The following TSPAN9 variants were observed in gnomAD, a reference collection of about 807,000 sequenced individuals.
The protein encoded by TSPAN9 is tetraspanin-9.
Under a neutral mutation model 31.0 loss-of-function variants are expected in TSPAN9, and 16 were observed. That is an observed-to-expected ratio of 0.52 (90% CI 0.35 to 0.78). TSPAN9 has a LOEUF of 0.78. Ranked by LOEUF, TSPAN9 falls within the 30% of genes least tolerant of loss-of-function variation. The pLI is 0.01. For missense variants in TSPAN9, 272 were observed against 312.5 expected (o/e 0.87, Z 0.98); for synonymous variants, 145 against 121.6 (o/e 1.19, Z -1.27).
rs1862906851 is a variant in TSPAN9 at position 3,282,107 on chromosome 12, T to C, written c.648+290T>C. On this transcript the variant is annotated intron_variant, in intron 8 of 8. Transcript: ENST00000011898. Reference sequence around the variant, plus strand: ...GGGTTCCCCCAGTTCTGCCCAAACCTTGAGCTCAGAGAGCCATGCAAGACA... The same window carrying C: ...GGGTTCCCCCAGTTCTGCCCAAACCCTGAGCTCAGAGAGCCATGCAAGACA... The C allele has an allele frequency of 4.7e-6, 3 of 635,532 alleles. No homozygotes were observed. In the African/African-American group the frequency reaches 5.4e-5, roughly 11 times the overall value. The allele number at this position is 635,532 out of a possible 1,614,324, so 39.4% of individuals were successfully genotyped here. A position where few individuals can be genotyped will look rare whatever the true frequency, so the allele number is the denominator to read the frequency against.
chr12:3,164,813 G>A (rs2098347431), intron 2 of TSPAN9, among the ~76,000 whole-genome samples: 2 of 152,220 alleles, frequency 1.3e-5, no homozygotes, highest in African/African-American at 4.8e-5. Flanking sequence ...ATTTCGGATG[G>A]CAAGGAGGTC....
intron 2 of TSPAN9, among the ~76,000 whole-genome samples, chr12:3,097,943 G>A (rs1266167172): frequency 6.6e-6 from 1 of 152,254 alleles, no homozygotes; most frequent in Admixed American, 6.5e-5. Flanking sequence ...CTCCTCCGTG[G>A]AAGTTCAGGA....
intron 3 of TSPAN9, among the ~76,000 whole-genome samples, chr12:3,218,005 TGTGTGGC>T (rs2098382239): frequency 6.6e-6 from 1 of 152,056 alleles, no homozygotes; most frequent in East Asian, 1.9e-4. Flanking sequence ...CATTGTGTGG[TGTGTGGC>T]GGGTGTGTTG....
chr12:3,213,640 GC>G (rs965890037), intron 3 of TSPAN9, among the ~76,000 whole-genome samples: 10 of 151,964 alleles, frequency 6.6e-5, no homozygotes, highest in Admixed American at 5.9e-4. Context: ...CCCCCTTCCA[GC>G]CCCCCTTCAC....
At chr12:3,268,179 C>CGTGTGTTCCTGCAGCCTGCCCTCT (rs1862574962) in intron 3 of TSPAN9, among the ~76,000 whole-genome samples, 1 of 122,290 alleles carries the variant, frequency 8.2e-6, no homozygotes, top group Non-Finnish European at 1.8e-5. Context: ...GCCTACCCTC[C>CGTGTGTTCCTGCAGCCTGCCCTCT]GTGCGTTCCT....
At chr12:3,239,545 G>C (rs1452786364) in intron 3 of TSPAN9, among the ~76,000 whole-genome samples, 1 of 152,242 alleles carries the variant, frequency 6.6e-6, no homozygotes, top group Non-Finnish European at 1.5e-5. Flanking sequence ...CACTGCCCGA[G>C]TTGGATCCCA....
At chr12:3,109,301 A>AGTGTGTGTGTGTGT (rs1565578971) in intron 2 of TSPAN9, among the ~76,000 whole-genome samples, 1 of 41,950 alleles carries the variant, frequency 2.4e-5, no homozygotes, top group Non-Finnish European at 4.6e-5. Context: ...TGTGTGTGTG[A>AGTGTGTGTGTGTGT]GAGAGAGTGT....
intron 2 of TSPAN9, among the ~76,000 whole-genome samples, chr12:3,109,299 T>TGTGAGAGAGAGAGA (rs1274383200): frequency 0.12 from 13,729 of 117,592 alleles, 909 homozygotes; most frequent in Non-Finnish European, 0.15. Context: ...TGTGTGTGTG[T>TGTGAGAGAGAGAGA]GAGAGAGAGT....
intron 2 of TSPAN9, among the ~76,000 whole-genome samples, chr12:3,089,543 C>A: frequency 6.6e-6 from 1 of 151,928 alleles, no homozygotes. Flanking sequence ...GATCCGCCCT[C>A]CTTGGCCTCC....
At chr12:3,089,463 A>AT (rs575628257) in intron 2 of TSPAN9, among the ~76,000 whole-genome samples, 58 of 151,220 alleles carry the variant, frequency 3.8e-4, no homozygotes, top group South Asian at 2.9e-3. Flanking sequence ...CGCCTGGCTA[A>AT]TTTTTGTATT....
At chr12:3,090,289 C>A (rs1298366578) in intron 2 of TSPAN9, among the ~76,000 whole-genome samples, 2 of 152,282 alleles carry the variant, frequency 1.3e-5, no homozygotes, top group South Asian at 2.1e-4. Context: ...CATAGACCAC[C>A]CCAAAATATA....
chr12:3,253,591 T>C (rs1467923299), intron 3 of TSPAN9, among the ~76,000 whole-genome samples: 2 of 152,208 alleles, frequency 1.3e-5, no homozygotes, highest in African/African-American at 4.8e-5. Context: ...AGACAGTCCC[T>C]GCGATGATGA....
chr12:3,216,765 A>G (rs1400565646), intron 3 of TSPAN9, among the ~76,000 whole-genome samples: 1 of 152,218 alleles, frequency 6.6e-6, no homozygotes, highest in Non-Finnish European at 1.5e-5. Context: ...TCTGCTTCCC[A>G]AAAACGTCCA....
Position 3,286,539 on chromosome 12 carries a change from A to G in TSPAN9, c.*3423A>G, listed in dbSNP as rs1305743530. ...GTTTTTAGCATGTTTTTAAATAAAA[A>G]CGGATAAAGTGTCAAAAGCACAGCA... On this transcript the variant is annotated 3_prime_UTR_variant, in exon 9 of 9. Coordinates refer to ENST00000011898, the MANE Select transcript of TSPAN9 (RefSeq NM_006675.5). This position sits in a 1 kb window ranked among gnomAD's most constrained non-coding sequence, Gnocchi z 4.1. 2 of 152,128 alleles carry G rather than the reference A, an allele frequency of 1.3e-5. No homozygotes were observed. The highest frequency in any genetic ancestry group is 2.9e-5 in the Non-Finnish European group (2 of 67,992). 9.4% of individuals were successfully genotyped at this position (152,128 alleles called of 1,614,324 possible).
intron 2 of TSPAN9, among the ~76,000 whole-genome samples, chr12:3,101,808 C>T (rs1054942815): frequency 1.3e-5 from 2 of 152,142 alleles, no homozygotes; most frequent in African/African-American, 4.8e-5. Flanking sequence ...CTGATTAGCC[C>T]GTTGTTTTCC....
intron 2 of TSPAN9, among the ~76,000 whole-genome samples, chr12:3,125,885 A>G (rs1211573919): frequency 6.6e-6 from 1 of 152,196 alleles, no homozygotes; most frequent in Non-Finnish European, 1.5e-5. Context: ...TTCATGGATT[A>G]TGAACGAGGA....
chr12:3,212,266 G>A (rs576295905), intron 3 of TSPAN9, among the ~76,000 whole-genome samples: 11 of 151,970 alleles, frequency 7.2e-5, no homozygotes, highest in Non-Finnish European at 1.5e-4. Context: ...CACCATGACC[G>A]GCTTATCTTT....
At chr12:3,137,295 G>A (rs965888147) in intron 2 of TSPAN9, among the ~76,000 whole-genome samples, 2 of 152,164 alleles carry the variant, frequency 1.3e-5, no homozygotes, top group African/African-American at 4.8e-5. Context: ...CCCTGCCCAC[G>A]TTTCCCCGGG....
chr12:3,098,220 T>G (rs1348959174), intron 2 of TSPAN9, among the ~76,000 whole-genome samples: 1 of 152,250 alleles, frequency 6.6e-6, no homozygotes, highest in African/African-American at 2.4e-5. Context: ...CCTGAAGTCC[T>G]TTCTGGCTTA....
Sources: allele counts gnomAD v4.1 joint callset (sites outside exome capture counted in the v4.1 genomes callset), GRCh38; gene constraint gnomAD v4.1.1; non-coding constraint Gnocchi (gnomAD v3.1); transcripts MANE v1.5; gene names NCBI Gene and HGNC (gene_info 2026-07-23, HGNC 2026-07-21).